FOXP1: variants seen among roughly 807,000 people sequenced by gnomAD.
The protein encoded by FOXP1 is forkhead box P1, also known as forkhead box protein P1.
A neutral mutation model predicts 98.2 loss-of-function variants in FOXP1; 15 were observed. The ratio of observed to expected loss-of-function variants is 0.15; its 90% CI spans 0.10 to 0.24. The LOEUF (loss-of-function observed/expected upper bound fraction) is 0.24. FOXP1 is among the 10% of genes least tolerant of loss of function. FOXP1 has a pLI of 1.00. For missense variants in FOXP1, 633 were observed against 848.5 expected (o/e 0.75, Z 3.15); for synonymous variants, 371 against 314.5 (o/e 1.18, Z -1.90).
chr3:71,015,434 A>G, intron 12 of FOXP1, 115 bp downstream of exon 12: 3 of 689,682 alleles, frequency 4.3e-6, no homozygotes, highest in Non-Finnish European at 8.0e-6. Context: ...TTTAGAGTCC[A>G]CTCTCAAAGG....
intron 6 of FOXP1, among the ~76,000 whole-genome samples, chr3:71,176,611 T>C (rs1045362466): frequency 1.3e-5 from 2 of 151,946 alleles, no homozygotes; most frequent in Admixed American, 1.3e-4. Context: ...CCTGGTGGCA[T>C]GTGCCTGTAG....
At chr3:71,557,833 T>C (rs2046251110) in intron 2 of FOXP1, among the ~76,000 whole-genome samples, 2 of 152,366 alleles carry the variant, frequency 1.3e-5, no homozygotes, top group African/African-American at 2.4e-5. Flanking sequence ...TATTTATTTT[T>C]TGAAACTGAG....
chr3:70,986,678 G>A (rs573811626), intron 14 of FOXP1, among the ~76,000 whole-genome samples: 1 of 152,276 alleles, frequency 6.6e-6, no homozygotes, highest in African/African-American at 2.4e-5. Flanking sequence ...TGCCACAACA[G>A]TGAATGACCT....
chr3:71,027,084 G>A (rs980577827), intron 11 of FOXP1, among the ~76,000 whole-genome samples: 3 of 152,200 alleles, frequency 2.0e-5, no homozygotes, highest in Non-Finnish European at 2.9e-5. Flanking sequence ...AAAAAGTGGT[G>A]TGAGCAACTG....
intron 2 of FOXP1, among the ~76,000 whole-genome samples, chr3:71,566,053 C>G (rs1263437652): frequency 4.6e-5 from 7 of 152,176 alleles, no homozygotes. Context: ...TATAATCTCC[C>G]AAAAGCGCAC....
At chr3:71,013,201 T>C (rs972652651) in intron 12 of FOXP1, among the ~76,000 whole-genome samples, 2 of 152,146 alleles carry the variant, frequency 1.3e-5, no homozygotes, top group African/African-American at 2.4e-5. Flanking sequence ...AAATTGTTAC[T>C]CCACTTTCCC....
intron 4 of FOXP1, among the ~76,000 whole-genome samples, chr3:71,316,609 T>C (rs1190579592): frequency 6.6e-6 from 1 of 151,712 alleles, no homozygotes; most frequent in African/African-American, 2.4e-5. Flanking sequence ...GGCACCCGGA[T>C]GTAGGCCTGT....
intron 3 of FOXP1, among the ~76,000 whole-genome samples, chr3:71,474,103 A>G (rs990727594): frequency 3.3e-5 from 5 of 152,210 alleles, no homozygotes; most frequent in African/African-American, 1.2e-4. Flanking sequence ...TTGCAACTAT[A>G]TATTTATTTA....
At chr3:71,500,380 G>A (rs2041247300) in intron 2 of FOXP1, among the ~76,000 whole-genome samples, 1 of 152,122 alleles carries the variant, frequency 6.6e-6, no homozygotes. Flanking sequence ...TTTTCCTGTG[G>A]CATCTGTCTG....
intron 3 of FOXP1, among the ~76,000 whole-genome samples, chr3:71,476,491 A>G (rs953825035): frequency 6.6e-6 from 1 of 151,894 alleles, no homozygotes; most frequent in African/African-American, 2.4e-5. Flanking sequence ...CTGCCATTTC[A>G]TTGCAGAATG....
chr3:71,111,933 G>A (rs139297945), intron 7 of FOXP1, among the ~76,000 whole-genome samples: 59 of 152,150 alleles, frequency 3.9e-4, no homozygotes, highest in African/African-American at 1.3e-3. Context: ...TCCTCAGGCC[G>A]AGTCATAGTT....
chr3:71,492,239 G>A (rs2107027598), intron 3 of FOXP1, among the ~76,000 whole-genome samples: 1 of 152,212 alleles, frequency 6.6e-6, no homozygotes, highest in South Asian at 2.1e-4. Context: ...ATCACCTGAG[G>A]TCAGGAGTTT....
At chr3:71,033,034 G>A (rs2047080208) in intron 11 of FOXP1, among the ~76,000 whole-genome samples, 2 of 152,132 alleles carry the variant, frequency 1.3e-5, no homozygotes. Context: ...TACCATCAGA[G>A]TTTCCAAAAG....
intron 3 of FOXP1, among the ~76,000 whole-genome samples, chr3:71,401,750 G>A (rs1280017203): frequency 1.3e-5 from 2 of 152,152 alleles, no homozygotes; most frequent in East Asian, 1.9e-4. Context: ...GTTACAACCT[G>A]CAACTAAAGA....
At chr3:71,226,765 C>T (rs2065871885) in intron 5 of FOXP1, among the ~76,000 whole-genome samples, 1 of 152,036 alleles carries the variant, frequency 6.6e-6, no homozygotes, top group African/African-American at 2.4e-5. Flanking sequence ...CATCCTGTCT[C>T]GCTGAGTCTC....
chr3:71,558,557 T>C (rs1451353908), intron 2 of FOXP1, among the ~76,000 whole-genome samples: 1 of 150,654 alleles, frequency 6.6e-6, no homozygotes, highest in Admixed American at 6.7e-5. Flanking sequence ...TGCAGTAGGG[T>C]GATCTCAGCT....
At chr3:71,010,331 C>G (rs1255258362) in intron 12 of FOXP1, among the ~76,000 whole-genome samples, 4 of 152,138 alleles carry the variant, frequency 2.6e-5, no homozygotes. Context: ...GACCTTGACT[C>G]CACCTCTTAT....
intron 4 of FOXP1, among the ~76,000 whole-genome samples, chr3:71,356,327 T>A (rs1051132836): frequency 1.3e-5 from 2 of 151,668 alleles, no homozygotes; most frequent in Admixed American, 1.3e-4. Context: ...AGCAGCTGTA[T>A]ACATAGCTGC....
At chr3:71,575,164 A>G (rs2047629511) in intron 2 of FOXP1, among the ~76,000 whole-genome samples, 1 of 152,196 alleles carries the variant, frequency 6.6e-6, no homozygotes, top group South Asian at 2.1e-4. Flanking sequence ...CTGTGATTCC[A>G]ATACTCGTGC....
Sources: allele counts gnomAD v4.1 joint callset (sites outside exome capture counted in the v4.1 genomes callset), GRCh38; gene constraint gnomAD v4.1.1; transcripts MANE v1.5; gene names NCBI Gene and HGNC (gene_info 2026-07-23, HGNC 2026-07-21).